The following JAKMIP1 variants were observed in gnomAD, a reference collection of about 807,000 sequenced individuals.
JAKMIP1 encodes the protein janus kinase and microtubule interacting protein 1.
Under a neutral mutation model 113.0 loss-of-function variants are expected in JAKMIP1, and 33 were observed. The observed-to-expected ratio is 0.29, with a 90% CI of 0.22 to 0.39. The LOEUF (loss-of-function observed/expected upper bound fraction) is 0.39, where lower values mean the gene tolerates loss of function less well. Among genes scored for constraint, JAKMIP1 ranks in the 10% least tolerant of loss-of-function variants. The pLI is 1.00. For synonymous variants in JAKMIP1, 480 were observed against 459.9 expected, an observed-to-expected ratio of 1.04 and a Z score of -0.56; for missense variants, 813 against 1,080.5, an observed-to-expected ratio of 0.75 and a Z score of 3.47.
intron 1 of JAKMIP1, among the ~76,000 whole-genome samples, chr4:6,117,150 A>G (rs1239290071): frequency 6.6e-6 from 1 of 152,200 alleles, no homozygotes; most frequent in Admixed American, 6.5e-5. Context: ...GCATGCTGGG[A>G]AGCCATTAGC....
intron 7 of JAKMIP1, among the ~76,000 whole-genome samples, chr4:6,079,879 C>G (rs1447284003): frequency 6.6e-6 from 1 of 152,202 alleles, no homozygotes; most frequent in African/African-American, 2.4e-5. Context: ...CAAAAGACAT[C>G]CTTAAAACTG....
At chr4:6,029,298 A>G (rs1712275673) in intron 20 of JAKMIP1, among the ~76,000 whole-genome samples, 1 of 152,238 alleles carries the variant, frequency 6.6e-6, no homozygotes, top group African/African-American at 2.4e-5. Flanking sequence ...TGCGTCTTCC[A>G]GGAACATGCG....
Position 6,138,710 on chromosome 4 carries a change from C to T in JAKMIP1, c.-147-25713G>A, listed in dbSNP as rs373168725. On this transcript the variant is annotated intron_variant, in intron 1 of 20. Coordinates refer to ENST00000409021, the MANE Select transcript of JAKMIP1 (RefSeq NM_001099433.2). This position sits in a 1 kb window ranked among gnomAD's most constrained non-coding sequence, Gnocchi z 6.0. ...TGGCCGTGCAGTGGCGTGTTCTCAACGGCCAGCTCTGTCTCAGAATGGGTA... is the reference window on the plus strand; with the variant it reads ...TGGCCGTGCAGTGGCGTGTTCTCAATGGCCAGCTCTGTCTCAGAATGGGTA... Among the ~76,000 whole-genome samples, 47 of 152,300 alleles carry T rather than the reference C, an allele frequency of 3.1e-4. No individual in the cohort carries two copies. The highest frequency in any genetic ancestry group is 1.0e-3 in the African/African-American group (43 of 41,544).
At position 6,155,745 on chromosome 4, in the gene JAKMIP1, T is replaced by C. The variant is rs1722155239; in HGVS notation, c.-147-42748A>G. Among the ~76,000 whole-genome samples, 1 of 152,204 alleles carries C rather than the reference T, an allele frequency of 6.6e-6. No individual in the cohort carries two copies. Among genetic ancestry groups the C allele is most frequent in the South Asian group, 2.1e-4 (1 of 4,826 alleles). ...ATTTATAGAACGGGATATTATAGTG[T>C]CCTTTAAGCTGAAGCTCTATCATCT... On this transcript the variant is annotated intron_variant, in intron 1 of 20. Transcript: ENST00000409021. The surrounding 1 kb of genome is among the most constrained non-coding windows in gnomAD (Gnocchi z 6.1).
chr4:6,028,202 A>G (rs942062911), intron 20 of JAKMIP1, among the ~76,000 whole-genome samples: 2 of 152,238 alleles, frequency 1.3e-5, no homozygotes, highest in Non-Finnish European at 2.9e-5. Flanking sequence ...TCCCTCAAGC[A>G]ATTCTTAAAT....
chr4:6,107,387 T>A (rs1472297219), intron 2 of JAKMIP1, among the ~76,000 whole-genome samples: 2 of 152,218 alleles, frequency 1.3e-5, no homozygotes, highest in African/African-American at 4.8e-5. Context: ...CTATGGTGGC[T>A]GATGTTGTGG....
At chr4:6,121,790 T>C (rs774377276) in intron 1 of JAKMIP1, among the ~76,000 whole-genome samples, 23 of 152,232 alleles carry the variant, frequency 1.5e-4, no homozygotes, top group Non-Finnish European at 2.6e-4. Context: ...TTGTATACAT[T>C]AGAAATGAAT....
chr4:6,176,926 G>C lies in JAKMIP1; in HGVS notation c.-148+23327C>G, dbSNP rs919325417. ...CATGTGCCTGTAGTCTCAGCTACTG[G>C]GGAGGCTGAGGTGGGAGGATCGCTT... On this transcript the variant is annotated intron_variant, in intron 1 of 20. Coordinates refer to ENST00000409021, the MANE Select transcript of JAKMIP1 (RefSeq NM_001099433.2). The surrounding 1 kb of genome is among the most constrained non-coding windows in gnomAD (Gnocchi z 5.5). Among the ~76,000 whole-genome samples the C allele has an allele frequency of 6.6e-6, 1 of 152,206 alleles. No individual in the cohort carries two copies. The highest frequency in any genetic ancestry group is 2.4e-5 in the African/African-American group (1 of 41,456).
At chr4:6,062,155 T>C (rs1479778980) in intron 10 of JAKMIP1, among the ~76,000 whole-genome samples, 157 bp downstream of exon 10, 12 of 152,270 alleles carry the variant, frequency 7.9e-5, no homozygotes, top group Non-Finnish European at 1.8e-4. Context: ...GAGAGGGATC[T>C]AGAATGTCAC....
rs1726374453 is a variant in JAKMIP1, at chr4:6,184,200, G to A, written c.-148+16053C>T. Reference sequence around the variant, plus strand: ...AGATGGGAAAACAAACCCAAAGAGAGGTGAGTGTATCACACTGTCCTGTGA... The same window carrying A: ...AGATGGGAAAACAAACCCAAAGAGAAGTGAGTGTATCACACTGTCCTGTGA... On this transcript the variant is annotated intron_variant, in intron 1 of 20. Coordinates refer to ENST00000409021, the MANE Select transcript of JAKMIP1 (RefSeq NM_001099433.2). This position sits in a 1 kb window ranked among gnomAD's most constrained non-coding sequence, Gnocchi z 4.5. Among the ~76,000 whole-genome samples, 1 of 152,144 alleles carries A rather than the reference G, an allele frequency of 6.6e-6. No homozygotes were observed. The highest frequency in any genetic ancestry group is 6.5e-5 in the Admixed American group (1 of 15,268).
chr4:6,075,717 A>C (rs1403952668), intron 8 of JAKMIP1, among the ~76,000 whole-genome samples: 1 of 152,236 alleles, frequency 6.6e-6, no homozygotes, highest in African/African-American at 2.4e-5. Context: ...GCCAACAACT[A>C]TTTAGGGACT....
intron 3 of JAKMIP1, 144 bp from the exon 4 acceptor site, chr4:6,085,773 G>C (rs1578192335): frequency 4.3e-6 from 3 of 691,346 alleles, no homozygotes; most frequent in Non-Finnish European, 7.3e-6. Flanking sequence ...TCCAGACACA[G>C]AGCAAGCACA....
chr4:6,064,847 G>C lies in JAKMIP1; in HGVS notation c.1431+33C>G. On this transcript the variant is annotated intron_variant, in intron 9 of 20. Coordinates refer to ENST00000409021, the MANE Select transcript of JAKMIP1 (RefSeq NM_001099433.2). This position sits in a 1 kb window ranked among gnomAD's most constrained non-coding sequence, Gnocchi z 4.3. ...AGGTGCCGCCCCGAGAGCATCTGGGGTGAGGTCCCGCCCTCTCTGCAGGTT... is the reference window on the plus strand; with the variant it reads ...AGGTGCCGCCCCGAGAGCATCTGGGCTGAGGTCCCGCCCTCTCTGCAGGTT... 1.2e-6 allele frequency: 2 copies of C among 1,612,896 alleles called. No individual in the cohort carries two copies. The highest frequency in any genetic ancestry group is 1.7e-6 in the Non-Finnish European group (2 of 1,179,602).
chr4:6,077,302 G>A (rs116177966), intron 8 of JAKMIP1, among the ~76,000 whole-genome samples: 46 of 152,092 alleles, frequency 3.0e-4, no homozygotes, highest in African/African-American at 1.1e-3. Flanking sequence ...GACAATGAAG[G>A]CAGAGATTGG....
At position 6,183,736 on chromosome 4, in the gene JAKMIP1, C is replaced by G. The variant is rs779697323; in HGVS notation, c.-148+16517G>C. 6.6e-6 allele frequency among the ~76,000 whole-genome samples: 1 copy of G among 152,124 alleles called. No individual in the cohort carries two copies. The highest frequency in any genetic ancestry group is 1.5e-5 in the Non-Finnish European group (1 of 68,026). ...ATGGGCTGCAAACCCAATATTAACC[C>G]TGGTAGACCCCACTGCAGGGACCTG... is the stretch of plus-strand genomic sequence containing the variant. On this transcript the variant is annotated intron_variant, in intron 1 of 20. Coordinates refer to ENST00000409021, the MANE Select transcript of JAKMIP1 (RefSeq NM_001099433.2). This position sits in a 1 kb window ranked among gnomAD's most constrained non-coding sequence, Gnocchi z 5.3.
intron 1 of JAKMIP1, among the ~76,000 whole-genome samples, chr4:6,171,484 G>A (rs998973892): frequency 5.3e-5 from 8 of 151,896 alleles, no homozygotes; most frequent in Admixed American, 4.6e-4. Context: ...CCACCAGCAG[G>A]CATTGCCAAT....
At position 6,189,427 on chromosome 4, in the gene JAKMIP1, AAC is replaced by A. The variant is rs1726993935; in HGVS notation, c.-148+10824_-148+10825del. Among the ~76,000 whole-genome samples, 3 of 152,162 alleles carry A rather than the reference AAC, an allele frequency of 2.0e-5. No individual in the cohort carries two copies. In the South Asian group the frequency reaches 6.2e-4, roughly 32 times the overall value. On this transcript the variant is annotated intron_variant, in intron 1 of 20. Coordinates refer to ENST00000409021, the MANE Select transcript of JAKMIP1 (RefSeq NM_001099433.2). Reference sequence around the variant, plus strand: ...GTCACTAGAGGTGGCTTCTGCAGAGAACAGAGTGAATTTTTTTTCAGCGCAGA... The same window carrying A: ...GTCACTAGAGGTGGCTTCTGCAGAGAAGAGTGAATTTTTTTTCAGCGCAGA...
Position 6,185,942 on chromosome 4 carries a change from C to G in JAKMIP1, c.-148+14311G>C, listed in dbSNP as rs749954060. Among the ~76,000 whole-genome samples, 36 of 152,172 alleles carry G rather than the reference C, an allele frequency of 2.4e-4. No homozygotes were observed. Among genetic ancestry groups the G allele is most frequent in the Non-Finnish European group, 4.7e-4 (32 of 68,042 alleles). ...CAATTAAATATGACACTAGTTCAGA[C>G]TGGACTTTTTTTTAATTACCTCAGT... On this transcript the variant is annotated intron_variant, in intron 1 of 20. Transcript: ENST00000409021. The surrounding 1 kb of genome is among the most constrained non-coding windows in gnomAD (Gnocchi z 5.3).
Position 6,194,256 on chromosome 4 carries a change from C to T in JAKMIP1, c.-148+5997G>A, listed in dbSNP as rs939042803. ...ACATCGTGAATGCAGTAAATGCCAC[C>T]GAATTGTACCATTGAAAACGGTTTA... On this transcript the variant is annotated intron_variant, in intron 1 of 20. Transcript: ENST00000409021. The surrounding 1 kb of genome is among the most constrained non-coding windows in gnomAD (Gnocchi z 7.4). Among the ~76,000 whole-genome samples the T allele has an allele frequency of 6.6e-6, 1 of 152,004 alleles. No homozygotes were observed. The highest frequency in any genetic ancestry group is 1.5e-5 in the Non-Finnish European group (1 of 68,022).
Sources: allele counts gnomAD v4.1 joint callset (sites outside exome capture counted in the v4.1 genomes callset), GRCh38; gene constraint gnomAD v4.1.1; non-coding constraint Gnocchi (gnomAD v3.1); transcripts MANE v1.5; gene names NCBI Gene and HGNC (gene_info 2026-07-23, HGNC 2026-07-21).